The following ACADM variants were observed in gnomAD, a reference collection of about 807,000 sequenced individuals.
ACADM encodes medium-chain specific acyl-CoA dehydrogenase, mitochondrial.
Under a neutral mutation model 58.9 loss-of-function variants are expected in ACADM, and 49 were observed. The ratio of observed to expected loss-of-function variants is 0.83; its 90% CI spans 0.66 to 1.06. The LOEUF is 1.06. Among genes scored for constraint, ACADM ranks in the 50% least tolerant of loss-of-function variants. ACADM has a pLI of 0.00. For synonymous variants in ACADM, 160 were observed against 157.7 expected (o/e 1.01, Z -0.11); for missense variants, 496 against 507.0 (o/e 0.98, Z 0.21).
chr1:75,744,567 C>G (rs1570884397), intron 7 of ACADM: 2 of 1,449,622 alleles, frequency 1.4e-6, no homozygotes, highest in East Asian at 4.5e-5. Context: ...TGACTGTAAC[C>G]AAGTCATACT....
intron 5 of ACADM, among the ~76,000 whole-genome samples, chr1:75,734,195 A>G (rs377723293): frequency 0.035 from 4,301 of 122,734 alleles, 142 homozygotes; most frequent in African/African-American, 0.077. Context: ...ACGGAGTCTC[A>G]CTCTGTTGCC....
intron 8 of ACADM, among the ~76,000 whole-genome samples, chr1:75,748,085 T>C (rs1456659443): frequency 6.6e-6 from 1 of 152,254 alleles, no homozygotes; most frequent in Admixed American, 6.5e-5. Flanking sequence ...TTTCTTATTC[T>C]GCTTATTAAA....
At chr1:75,737,689 C>T (rs1647346482) in intron 6 of ACADM, among the ~76,000 whole-genome samples, 1 of 152,020 alleles carries the variant, frequency 6.6e-6, no homozygotes, top group Non-Finnish European at 1.5e-5. Context: ...TTTTATACCT[C>T]AGGTGCCTGG....
At chr1:75,755,876 A>T (rs1030917554) in intron 10 of ACADM, among the ~76,000 whole-genome samples, 2 of 152,214 alleles carry the variant, frequency 1.3e-5, no homozygotes, top group Admixed American at 1.3e-4. Flanking sequence ...ATCCACCACG[A>T]TCAAGTCAGC....
At chr1:75,746,245 C>A (rs1647893881) in intron 8 of ACADM, among the ~76,000 whole-genome samples, 1 of 152,168 alleles carries the variant, frequency 6.6e-6, no homozygotes, top group Admixed American at 6.5e-5. Flanking sequence ...CTCTTTTCCC[C>A]ATTGGATCCT....
intron 2 of ACADM, among the ~76,000 whole-genome samples, chr1:75,731,885 AGGGTG>A (rs1647154748): frequency 1.3e-5 from 2 of 152,104 alleles, no homozygotes; most frequent in African/African-American, 4.8e-5. Flanking sequence ...TGAAATAGAT[AGGGTG>A]AGGTGGCTCC....
At chr1:75,728,325 T>C in intron 1 of ACADM, 76 bp from the exon 2 acceptor site, 2 of 1,235,756 alleles carry the variant, frequency 1.6e-6, no homozygotes, top group Non-Finnish European at 2.3e-6. Context: ...CTGTACTCAC[T>C]TATGATTATC....
intron 2 of ACADM, among the ~76,000 whole-genome samples, chr1:75,728,699 T>C (rs1022649205): frequency 6.6e-6 from 1 of 152,236 alleles, no homozygotes. Flanking sequence ...AGATCTGTTT[T>C]AGCAGCATAC....
intron 10 of ACADM, among the ~76,000 whole-genome samples, chr1:75,756,793 T>C (rs905072272): frequency 6.6e-6 from 1 of 152,198 alleles, no homozygotes; most frequent in Admixed American, 6.5e-5. Context: ...TGCATCATGC[T>C]ACCTGACTTC....
intron 6 of ACADM, among the ~76,000 whole-genome samples, chr1:75,737,128 G>A (rs1647293139): frequency 6.6e-6 from 1 of 150,588 alleles, no homozygotes; most frequent in Non-Finnish European, 1.5e-5. Flanking sequence ...AAATAAAAAT[G>A]ATCAAATAAG....
intron 6 of ACADM, 87 bp downstream of exon 6, chr1:75,734,958 G>T: frequency 1.0e-6 from 1 of 995,694 alleles, no homozygotes; most frequent in East Asian, 2.5e-5. Flanking sequence ...TGTATATATT[G>T]GGATATTTAG....
chr1:75,751,508 G>A (rs77773255), intron 10 of ACADM, among the ~76,000 whole-genome samples: 36,941 of 147,492 alleles, frequency 0.25, 4,883 homozygotes, highest in Non-Finnish European at 0.31. Context: ...TTTTTTTTGC[G>A]GGGGGTGGGA....
At chr1:75,738,378 G>A (rs1041282751) in intron 6 of ACADM, among the ~76,000 whole-genome samples, 1 of 151,916 alleles carries the variant, frequency 6.6e-6, no homozygotes, top group Non-Finnish European at 1.5e-5. Flanking sequence ...CCGCCACCAA[G>A]CCTGGCTAAG....
At chr1:75,725,854 G>A (rs771686928) in intron 1 of ACADM, among the ~76,000 whole-genome samples, 1 of 152,172 alleles carries the variant, frequency 6.6e-6, no homozygotes, top group Non-Finnish European at 1.5e-5. Context: ...TTGAACGGAA[G>A]CTATAAGCAG....
rs770273135 is a variant in ACADM, at chr1:75,745,904, T to C, written c.698T>C (p.Ile233Thr). 38 of 1,609,494 alleles carry C rather than the reference T, an allele frequency of 2.4e-5. No homozygotes were observed. The highest frequency in any genetic ancestry group is 2.7e-5 in the Non-Finnish European group (32 of 1,176,036). ...GAAGCAGATACCCCAGGAATTCAGATTGGGAGAAAGGTAAAGTATTTATTA... is the reference window on the plus strand; with the variant it reads ...GAAGCAGATACCCCAGGAATTCAGACTGGGAGAAAGGTAAAGTATTTATTA... The part of the protein sequence containing the change: ...IVEADTPGIQ[I>T]GRKELNMGQR... Residue 233 changes from isoleucine (I) to threonine (T), a missense_variant, in exon 8 of 12, where the codon ATT (isoleucine) becomes ACT (threonine). Coordinates refer to ENST00000370841, the MANE Select transcript of ACADM (RefSeq NM_000016.6).
rs981647083 is a variant in ACADM, at chr1:75,752,352, T to C, written c.945+1806T>C. On this transcript the variant is annotated intron_variant, in intron 10 of 11. Coordinates refer to ENST00000370841, the MANE Select transcript of ACADM (RefSeq NM_000016.6). ...TGTGGACCATTATTTTTGTAAAATA[T>C]AAGAATGTCACAACAATGTTAAATT... Among the ~76,000 whole-genome samples, 3 of 152,304 alleles carry C rather than the reference T, an allele frequency of 2.0e-5. No individual in the cohort carries two copies. The East Asian group carries it at 5.8e-4, about 29-fold the overall frequency.
At chr1:75,751,323 G>C (rs1321163581) in intron 10 of ACADM, among the ~76,000 whole-genome samples, 1 of 151,724 alleles carries the variant, frequency 6.6e-6, no homozygotes, top group Non-Finnish European at 1.5e-5. Context: ...CTGGGCGACA[G>C]AGTGAGACTC....
intron 10 of ACADM, chr1:75,754,917 T>G (rs1648413033): frequency 6.6e-6 from 1 of 152,432 alleles, no homozygotes; most frequent in Non-Finnish European, 1.5e-5. Flanking sequence ...ACCCTAATAC[T>G]GCGCTTTTCC....
In ACADM at chr1:75,745,038, G is replaced by T. The variant is rs528631641; in HGVS notation, c.600-768G>T. Among the ~76,000 whole-genome samples, 73 of 152,172 alleles carry T rather than the reference G, an allele frequency of 4.8e-4. 1 individual carries two copies. Among genetic ancestry groups the T allele is most frequent in the African/African-American group, 1.5e-3 (63 of 41,494 alleles). Reference sequence around the variant, plus strand: ...CAGGATACATTCCAGGACCCCTAATGGATGCCTGAAACCTCAGAAATACCA... The same window carrying T: ...CAGGATACATTCCAGGACCCCTAATTGATGCCTGAAACCTCAGAAATACCA... On this transcript the variant is annotated intron_variant, in intron 7 of 11. Coordinates refer to ENST00000370841, the MANE Select transcript of ACADM (RefSeq NM_000016.6).
Sources: allele counts gnomAD v4.1 joint callset (sites outside exome capture counted in the v4.1 genomes callset), GRCh38; gene constraint gnomAD v4.1.1; transcripts MANE v1.5; gene names NCBI Gene and HGNC (gene_info 2026-07-23, HGNC 2026-07-21).